Variants in TRIQK observed in about 807,000 individuals in gnomAD.
TRIQK encodes the protein triple QxxK/R motif containing.
In TRIQK, 10 loss-of-function variants were observed where a neutral mutation model predicts 10.8. That is an observed-to-expected ratio of 0.92 (90% CI 0.57 to 1.57). The LOEUF (loss-of-function observed/expected upper bound fraction) is 1.57, where lower values mean the gene tolerates loss of function less well. TRIQK is among the 40% of genes most tolerant of loss of function. TRIQK has a pLI of 0.00. For synonymous variants in TRIQK, 33 were observed against 33.7 expected (o/e 0.98, Z 0.07); for missense variants, 107 against 97.7 (o/e 1.09, Z -0.40).
At position 92,907,540 on chromosome 8, in the gene TRIQK, G is replaced by A. The variant is rs537167452; in HGVS notation, c.61+9389C>T. On this transcript the variant is annotated intron_variant, in intron 3 of 4. Transcript: ENST00000521988. ...ATGAGTATTAACTAAAAGCAAAGTC[G>A]TTATTAAAAAGTAAACATTAATATA... Among the ~76,000 whole-genome samples the A allele has an allele frequency of 3.3e-5, 5 of 152,160 alleles. No homozygotes were observed. The South Asian group carries it at 6.2e-4, about 19-fold the overall frequency.
At chr8:92,919,156 G>T (rs1810037706) in intron 2 of TRIQK, among the ~76,000 whole-genome samples, 1 of 151,776 alleles carries the variant, frequency 6.6e-6, no homozygotes, top group Non-Finnish European at 1.5e-5. Flanking sequence ...CAGATAGTGT[G>T]ATTCTCTGGC....
At chr8:92,929,198 C>T (rs1285803741) in intron 2 of TRIQK, among the ~76,000 whole-genome samples, 3 of 152,160 alleles carry the variant, frequency 2.0e-5, no homozygotes, top group Non-Finnish European at 4.4e-5. Context: ...TAAGCACTTA[C>T]TCCCTGCCAG....
At chr8:92,952,873 C>A (rs1331173866) in intron 2 of TRIQK, among the ~76,000 whole-genome samples, 2 of 152,060 alleles carry the variant, frequency 1.3e-5, no homozygotes, top group East Asian at 1.9e-4. Context: ...GAGCCACACT[C>A]CCTTCCCACT....
At chr8:92,903,810 GA>G in intron 3 of TRIQK, among the ~76,000 whole-genome samples, 1 of 152,184 alleles carries the variant, frequency 6.6e-6, no homozygotes, top group East Asian at 1.9e-4. Context: ...ATGTGTAAAT[GA>G]AACAGGTCAA....
intron 2 of TRIQK, chr8:92,926,410 T>G (rs1256301422): frequency 6.6e-6 from 1 of 152,140 alleles, no homozygotes; most frequent in Admixed American, 6.6e-5. Flanking sequence ...CAATCCATTA[T>G]AAAATAAATA....
intron 1 of TRIQK, among the ~76,000 whole-genome samples, chr8:93,010,919 G>C (rs1353188844): frequency 6.6e-6 from 1 of 151,950 alleles, no homozygotes; most frequent in African/African-American, 2.4e-5. Flanking sequence ...TATGCTATTT[G>C]AAAGAAGAAT....
chr8:92,911,263 A>G (rs186079729), intron 3 of TRIQK, among the ~76,000 whole-genome samples: 1 of 151,576 alleles, frequency 6.6e-6, no homozygotes, highest in Non-Finnish European at 1.5e-5. Context: ...AAAGATAAAA[A>G]AAACTAATAT....
At chr8:92,946,298 C>G (rs554106934) in intron 2 of TRIQK, among the ~76,000 whole-genome samples, 1 of 152,128 alleles carries the variant, frequency 6.6e-6, no homozygotes, top group East Asian at 1.9e-4. Flanking sequence ...GAAAAACAAG[C>G]CAGAGCTTTA....
At chr8:92,914,513 G>A (rs1255952496) in intron 3 of TRIQK, among the ~76,000 whole-genome samples, 2 of 151,976 alleles carry the variant, frequency 1.3e-5, no homozygotes, top group African/African-American at 2.4e-5. Context: ...AATTATATAA[G>A]GAACTTATAT....
upstream of TRIQK, among the ~76,000 whole-genome samples, chr8:92,970,048 G>A (rs1163480589): frequency 2.0e-5 from 3 of 152,018 alleles, no homozygotes; most frequent in African/African-American, 7.2e-5. Flanking sequence ...TCAGTGTTTG[G>A]TTTTCTGTTC....
chr8:92,920,359 A>G (rs138331250), intron 2 of TRIQK, among the ~76,000 whole-genome samples: 1 of 151,842 alleles, frequency 6.6e-6, no homozygotes, highest in African/African-American at 2.4e-5. Context: ...CAAGATGAAG[A>G]TGAAGTCAGA....
At chr8:93,016,246 G>T (rs931989709) in intron 1 of TRIQK, among the ~76,000 whole-genome samples, 1 of 152,212 alleles carries the variant, frequency 6.6e-6, no homozygotes, top group African/African-American at 2.4e-5. Flanking sequence ...CAATCCTACT[G>T]ATTTTTAAAA....
At position 92,883,904 on chromosome 8, in the gene TRIQK, C is replaced by T. The variant is rs548415206; in HGVS notation, c.*2718G>A. 1.3e-5 allele frequency: 2 copies of T among 151,754 alleles called. No individual in the cohort carries two copies. Among genetic ancestry groups the T allele is most frequent in the South Asian group, 4.1e-4 (2 of 4,830 alleles). The allele number at this position is 151,754 out of a possible 1,614,324, so 9.4% of individuals were successfully genotyped here. The stretch of plus-strand genomic sequence containing the variant: ...AGGTTATATTTTTACAATACTGTAT[C>T]TCATCTCAAATAAATTTATACATTC... On this transcript the variant is annotated 3_prime_UTR_variant, in exon 5 of 5. Transcript: ENST00000521988.
At chr8:93,011,229 G>T (rs922721312) in intron 1 of TRIQK, among the ~76,000 whole-genome samples, 1 of 147,520 alleles carries the variant, frequency 6.8e-6, no homozygotes, top group Non-Finnish European at 1.5e-5. Flanking sequence ...TATACAGGAG[G>T]TATTTCTGTT....
intron 1 of TRIQK, chr8:92,972,963 G>C (rs1295208655): frequency 1.3e-5 from 2 of 152,210 alleles, no homozygotes; most frequent in Non-Finnish European, 2.9e-5. Flanking sequence ...GAGCAGAAGA[G>C]ATATTCACAG....
At chr8:92,971,601 C>A (rs1812877996) in intron 1 of TRIQK, among the ~76,000 whole-genome samples, 1 of 152,070 alleles carries the variant, frequency 6.6e-6, no homozygotes, top group South Asian at 2.1e-4. Flanking sequence ...ATGTGAAGGA[C>A]CTCTTCAAGG....
intron 2 of TRIQK, among the ~76,000 whole-genome samples, chr8:92,939,907 C>T (rs1811183544): frequency 6.6e-6 from 1 of 152,178 alleles, no homozygotes; most frequent in Non-Finnish European, 1.5e-5. Context: ...CCTAACCTTG[C>T]AGCCTGCACC....
intron 1 of TRIQK, among the ~76,000 whole-genome samples, chr8:93,001,318 A>AG (rs1813209010): frequency 6.6e-6 from 1 of 152,044 alleles, no homozygotes; most frequent in Admixed American, 6.6e-5. Flanking sequence ...AAAAAAAAAA[A>AG]AAAATGATAT....
intron 3 of TRIQK, among the ~76,000 whole-genome samples, 155 bp downstream of exon 3, chr8:92,916,774 C>T (rs1809875262): frequency 1.3e-5 from 2 of 151,964 alleles, no homozygotes; most frequent in African/African-American, 2.4e-5. Context: ...AGCAGGACTG[C>T]ATTTAATTTT....
Sources: allele counts gnomAD v4.1 joint callset (sites outside exome capture counted in the v4.1 genomes callset), GRCh38; gene constraint gnomAD v4.1.1; transcripts MANE v1.5; gene names NCBI Gene and HGNC (gene_info 2026-07-23, HGNC 2026-07-21).